Variants in RBFOX1 observed in about 807,000 individuals in gnomAD.
RBFOX1 encodes RNA binding fox-1 homolog 1, also known as RNA binding protein fox-1 homolog 1.
Under a neutral mutation model 57.7 loss-of-function variants are expected in RBFOX1, and 8 were observed. The ratio of observed to expected loss-of-function variants is 0.14; its 90% CI spans 0.08 to 0.25. The LOEUF (loss-of-function observed/expected upper bound fraction) is 0.25, where lower values mean the gene tolerates loss of function less well. Ranked by LOEUF, RBFOX1 falls within the 10% of genes least tolerant of loss-of-function variation. The pLI is 1.00. For synonymous variants in RBFOX1, 326 were observed against 222.4 expected (o/e 1.47, Z -4.15); for missense variants, 611 against 548.5 (o/e 1.11, Z -1.14).
chr16:5,957,675 T>C (rs1419775030), intron 4 of RBFOX1, among the ~76,000 whole-genome samples: 3 of 152,180 alleles, frequency 2.0e-5, no homozygotes, highest in Non-Finnish European at 4.4e-5. Flanking sequence ...TTTTAAATTT[T>C]GGAATTTTGT....
At chr16:7,306,151 T>A (rs2096179533) in intron 4 of RBFOX1, among the ~76,000 whole-genome samples, 1 of 152,198 alleles carries the variant, frequency 6.6e-6, no homozygotes, top group South Asian at 2.1e-4. Context: ...CTCCGTTCCT[T>A]TGTGTGGTGG....
At chr16:6,643,650 A>C (rs1211780371) in intron 2 of RBFOX1, among the ~76,000 whole-genome samples, 1 of 152,204 alleles carries the variant, frequency 6.6e-6, no homozygotes, top group Non-Finnish European at 1.5e-5. Context: ...AGAGTATAAA[A>C]TACATAGCTC....
At chr16:6,941,629 G>A (rs1298214647) in intron 3 of RBFOX1, among the ~76,000 whole-genome samples, 1 of 151,754 alleles carries the variant, frequency 6.6e-6, no homozygotes, top group East Asian at 2.0e-4. Context: ...CTTCATACCT[G>A]TTGAATATTA....
chr16:6,852,173 C>A (rs1033969672), intron 3 of RBFOX1, among the ~76,000 whole-genome samples: 1 of 152,078 alleles, frequency 6.6e-6, no homozygotes, highest in Non-Finnish European at 1.5e-5. Flanking sequence ...TGTCACTGGC[C>A]TGCAACCAAG....
intron 2 of RBFOX1, among the ~76,000 whole-genome samples, chr16:6,562,868 CTTTCTTTCTTTCTTTTTTT>C (rs1348675362): frequency 6.0e-5 from 3 of 50,336 alleles, no homozygotes; most frequent in African/African-American, 5.0e-4. Flanking sequence ...TTCTTTCTTT[CTTTCTTTCTTTCTTTTTTT>C]TTTTTTTTTT....
intron 3 of RBFOX1, among the ~76,000 whole-genome samples, chr16:5,767,639 A>C (rs756975716): frequency 6.6e-6 from 1 of 151,952 alleles, no homozygotes; most frequent in South Asian, 2.1e-4. Context: ...TTGCCAGGAC[A>C]TTCTTGATGT....
chr16:6,809,368 T>TG (rs2087822377), intron 3 of RBFOX1, among the ~76,000 whole-genome samples: 1 of 152,220 alleles, frequency 6.6e-6, no homozygotes, highest in Admixed American at 6.5e-5. Flanking sequence ...CCAGCCACTG[T>TG]GCCAGACACT....
At chr16:6,928,287 G>A (rs1055232933) in intron 3 of RBFOX1, among the ~76,000 whole-genome samples, 1 of 152,176 alleles carries the variant, frequency 6.6e-6, no homozygotes, top group African/African-American at 2.4e-5. Flanking sequence ...TACAGCCAAG[G>A]TTGTGAACCA....
intron 1 of RBFOX1, among the ~76,000 whole-genome samples, chr16:5,298,159 T>C (rs984419414): frequency 3.9e-5 from 6 of 152,330 alleles, no homozygotes; most frequent in South Asian, 2.1e-4. Flanking sequence ...TTGCTAGATA[T>C]TCTGATGGTT....
intron 4 of RBFOX1, among the ~76,000 whole-genome samples, chr16:7,466,175 G>C (rs1304961593): frequency 6.6e-6 from 1 of 152,170 alleles, no homozygotes; most frequent in Non-Finnish European, 1.5e-5. Context: ...CTGCCAAAAA[G>C]CTAGCACAGT....
intron 2 of RBFOX1, among the ~76,000 whole-genome samples, chr16:6,529,917 C>T (rs891488303): frequency 6.6e-6 from 1 of 152,146 alleles, no homozygotes; most frequent in South Asian, 2.1e-4. Flanking sequence ...CTCCCAAATT[C>T]AGAATTGCAT....
chr16:6,487,379 A>T (rs1020730118), intron 2 of RBFOX1, among the ~76,000 whole-genome samples: 4 of 151,992 alleles, frequency 2.6e-5, no homozygotes, highest in Non-Finnish European at 5.9e-5. Context: ...CCTATAGGGT[A>T]TTGGGAGGGT....
chr16:7,021,435 T>A (rs1382074434), intron 3 of RBFOX1, among the ~76,000 whole-genome samples: 1 of 146,394 alleles, frequency 6.8e-6, no homozygotes, highest in Non-Finnish European at 1.5e-5. Flanking sequence ...TTTGTATATA[T>A]GTTTTATATA....
intron 9 of RBFOX1, among the ~76,000 whole-genome samples, chr16:7,605,285 A>G (rs1319043211): frequency 6.6e-6 from 1 of 152,188 alleles, no homozygotes; most frequent in African/African-American, 2.4e-5. Context: ...AGAAATTCTT[A>G]TAAGGCAAGA....
chr16:6,823,514 CCCAA>C (rs1293894570), intron 3 of RBFOX1, among the ~76,000 whole-genome samples: 2 of 151,632 alleles, frequency 1.3e-5, no homozygotes, highest in African/African-American at 4.9e-5. Context: ...GCCTCAGTCT[CCCAA>C]AGTGCTGGTA....
At chr16:7,448,154 C>G (rs192199148) in intron 4 of RBFOX1, among the ~76,000 whole-genome samples, 2 of 152,152 alleles carry the variant, frequency 1.3e-5, no homozygotes, top group African/African-American at 4.8e-5. Context: ...AATTTCCTAC[C>G]CCTTCCATAG....
chr16:5,249,476 C>G (rs1477527085), intron 1 of RBFOX1, among the ~76,000 whole-genome samples: 1 of 152,230 alleles, frequency 6.6e-6, no homozygotes, highest in Non-Finnish European at 1.5e-5. Flanking sequence ...GCCCTCTTGA[C>G]TGATCCATTC....
At chr16:6,717,790 C>G (rs1301184628) in intron 3 of RBFOX1, among the ~76,000 whole-genome samples, 1 of 152,080 alleles carries the variant, frequency 6.6e-6, no homozygotes, top group African/African-American at 2.4e-5. Flanking sequence ...CAACATGGAC[C>G]CAGCAGAAAA....
At chr16:6,807,229 A>C (rs563451425) in intron 3 of RBFOX1, among the ~76,000 whole-genome samples, 2 of 152,094 alleles carry the variant, frequency 1.3e-5, no homozygotes, top group African/African-American at 4.8e-5. Context: ...CAGTAGTTCA[A>C]GTGACAGCTG....
Sources: allele counts gnomAD v4.1 joint callset (sites outside exome capture counted in the v4.1 genomes callset), GRCh38; gene constraint gnomAD v4.1.1; transcripts MANE v1.5; gene names NCBI Gene and HGNC (gene_info 2026-07-23, HGNC 2026-07-21).